The following LRP12 variants were observed in gnomAD, a reference collection of about 807,000 sequenced individuals.
The protein encoded by LRP12 is LDL receptor related protein 12.
In LRP12, 14 loss-of-function variants were observed where a neutral mutation model predicts 66.0. The ratio of observed to expected loss-of-function variants is 0.21; its 90% CI spans 0.14 to 0.33. The LOEUF (loss-of-function observed/expected upper bound fraction) is 0.33, where lower values mean the gene tolerates loss of function less well. Ranked by LOEUF, LRP12 falls within the 10% of genes least tolerant of loss-of-function variation. The pLI, the probability that LRP12 is intolerant of heterozygous loss-of-function variation, is 1.00. For missense variants in LRP12, 889 were observed against 1,053.4 expected (o/e 0.84, Z 2.16); for synonymous variants, 357 against 359.1 (o/e 0.99, Z 0.07).
chr8:104,500,806 CTAG>C (rs71577921), intron 3 of LRP12, among the ~76,000 whole-genome samples: 10,470 of 152,214 alleles, frequency 0.069, 406 homozygotes, highest in South Asian at 0.079. Flanking sequence ...TATTCTAGAA[CTAG>C]TATTGCTAGG....
chr8:104,588,351 T>C (rs971120854), intron 1 of LRP12, among the ~76,000 whole-genome samples: 8 of 152,158 alleles, frequency 5.3e-5, no homozygotes, highest in African/African-American at 1.9e-4. Flanking sequence ...GGACAAGGGC[T>C]GGCGCGGTGG....
Position 104,491,131 on chromosome 8 carries a change from C to T in LRP12, c.2122G>A (p.Gly708Arg). The part of the protein sequence containing the change: ...QSTRGGHADN[G>R]RDVTSVEPPS... ...GGTTCCACACTTGTCACATCCCTTC[C>T]ATTATCTGCATGACCACCTCGGGTA... The change falls in exon 7 of 7, where the codon GGA becomes AGA. Residue 708 changes from glycine (G) to arginine (R), a missense_variant. This residue lies in a region of LRP12 where 800 missense variants were observed against 964.5 expected (regional missense o/e 0.83). Coordinates refer to ENST00000276654, the MANE Select transcript of LRP12 (RefSeq NM_013437.5). 1.2e-6 allele frequency: 2 copies of T among 1,614,130 alleles called. No individual in the cohort carries two copies. Among genetic ancestry groups the T allele is most frequent in the Non-Finnish European group, 1.7e-6 (2 of 1,180,030 alleles).
At chr8:104,568,667 T>A (rs1382842979) in intron 1 of LRP12, among the ~76,000 whole-genome samples, 1 of 151,906 alleles carries the variant, frequency 6.6e-6, no homozygotes, top group Non-Finnish European at 1.5e-5. Context: ...CCAATAAACA[T>A]ATGAGAAGAA....
rs780929488 is a variant in LRP12, at chr8:104,491,520, A to T, written c.1733T>A (p.Leu578Gln). The T allele has an allele frequency of 1.2e-6, 2 of 1,610,918 alleles. No individual in the cohort carries two copies. Residue 578 changes from leucine (L) to glutamine (Q), a missense_variant, in exon 7 of 7, where the codon CTG becomes CAG. Transcript: ENST00000276654. ...SPNQASVLEN[L>Q]RLAVRSQLGF... Reference sequence around the variant, plus strand: ...AAGCTGAGATCGTACCGCTAGCCTCAGATTTTCCAAAACAGAAGCCTACAA... The same window carrying T: ...AAGCTGAGATCGTACCGCTAGCCTCTGATTTTCCAAAACAGAAGCCTACAA...
intron 1 of LRP12, among the ~76,000 whole-genome samples, chr8:104,541,060 G>A (rs529049355): frequency 1.1e-3 from 175 of 152,316 alleles, no homozygotes; most frequent in African/African-American, 3.9e-3. Flanking sequence ...ACCTTTGGGA[G>A]TTCAGTGTTT....
rs1412839003 is a variant in LRP12, at chr8:104,497,570, G to A, written c.982C>T (p.Leu328Phe). 6.2e-7 allele frequency: 1 copy of A among 1,613,626 alleles called. No individual in the cohort carries two copies. The highest frequency in any genetic ancestry group is 1.3e-5 in the African/African-American group (1 of 74,884). Reference protein sequence around the residue: ...YDGLEENPHKLLRVLTAFDSH... With the variant: ...YDGLEENPHKFLRVLTAFDSH... ...TCAAAAGCTGTCAACACACGCAAAA[G>A]CTTGTGTGGATTCTCCTCTAATCCA... is the stretch of plus-strand genomic sequence containing the variant. Residue 328 changes from leucine (L) to phenylalanine (F), a missense_variant, in exon 5 of 7, where the codon CTT (leucine) becomes TTT (phenylalanine). Transcript: ENST00000276654. This position sits in a 1 kb window ranked among gnomAD's most constrained non-coding sequence, Gnocchi z 4.3.
chr8:104,586,271 T>C (rs1050604727), intron 1 of LRP12, among the ~76,000 whole-genome samples: 1 of 152,210 alleles, frequency 6.6e-6, no homozygotes, highest in Non-Finnish European at 1.5e-5. Flanking sequence ...AAAATCGTCA[T>C]CTGGAAAGTA....
In LRP12 at chr8:104,489,577, C is replaced by T. The variant is rs948446566; in HGVS notation, c.*1096G>A. The T allele has an allele frequency of 6.6e-6, 1 of 151,868 alleles. No homozygotes were observed. Among genetic ancestry groups the T allele is most frequent in the Non-Finnish European group, 1.5e-5 (1 of 67,944 alleles). 9.4% of individuals were successfully genotyped at this position (151,868 alleles called of 1,614,324 possible). On this transcript the variant is annotated 3_prime_UTR_variant, in exon 7 of 7. Transcript: ENST00000276654. ...TTTTCTTTTGAGAGTGTAGCATGAT[C>T]CCCCCCAGGAATAAAATATATTGAA...
At chr8:104,524,427 A>C (rs923910636) in intron 2 of LRP12, among the ~76,000 whole-genome samples, 2 of 152,082 alleles carry the variant, frequency 1.3e-5, no homozygotes, top group Non-Finnish European at 2.9e-5. Flanking sequence ...GCCCCTAACC[A>C]CCATGTTGTT....
chr8:104,552,458 T>C (rs1490194867), intron 1 of LRP12, among the ~76,000 whole-genome samples: 1 of 151,160 alleles, frequency 6.6e-6, no homozygotes, highest in Non-Finnish European at 1.5e-5. Flanking sequence ...TCATCTGAGG[T>C]TGGGAGTTCG....
intron 1 of LRP12, among the ~76,000 whole-genome samples, chr8:104,547,540 T>C (rs1050841988): frequency 7.9e-5 from 10 of 126,654 alleles, no homozygotes; most frequent in Non-Finnish European, 1.5e-4. Flanking sequence ...ATTTTGTATA[T>C]AATATATAAT....
chr8:104,499,606 G>T, intron 3 of LRP12, 87 bp from the exon 4 acceptor site: 1 of 828,846 alleles, frequency 1.2e-6, no homozygotes, highest in Non-Finnish European at 1.9e-6. Context: ...ATTATTATAA[G>T]CCTCCATATA....
At chr8:104,496,057 C>T (rs1016446727) in intron 5 of LRP12, 2 of 152,186 alleles carry the variant, frequency 1.3e-5, no homozygotes, top group Non-Finnish European at 2.9e-5. Context: ...TTGTAATTCT[C>T]CTGGGACTGA....
Position 104,492,403 on chromosome 8 carries a change from A to C in LRP12, c.1714-864T>G, listed in dbSNP as rs892225550. On this transcript the variant is annotated intron_variant, in intron 6 of 6. Transcript: ENST00000276654. ...ATAGCATTATATAAGATAGTCTTTA[A>C]GCTCCATCTAGTGGTTATAAAAAGA... Among the ~76,000 whole-genome samples the C allele has an allele frequency of 2.0e-5, 3 of 152,180 alleles. No homozygotes were observed. In the East Asian group the frequency reaches 5.8e-4, roughly 29 times the overall value.
At chr8:104,568,784 G>A (rs553027951) in intron 1 of LRP12, among the ~76,000 whole-genome samples, 1 of 152,210 alleles carries the variant, frequency 6.6e-6, no homozygotes, top group East Asian at 1.9e-4. Context: ...ATAAAGTGTT[G>A]GCAAGGATGT....
intron 1 of LRP12, among the ~76,000 whole-genome samples, chr8:104,564,918 G>GC (rs1198411187): frequency 1.4e-5 from 2 of 148,138 alleles, no homozygotes; most frequent in African/African-American, 5.2e-5. Context: ...GGGTAACAGA[G>GC]TGAGACTCTG....
chr8:104,544,745 C>A (rs1239939805), intron 1 of LRP12, among the ~76,000 whole-genome samples: 4 of 152,134 alleles, frequency 2.6e-5, no homozygotes, highest in African/African-American at 9.7e-5. Context: ...AAAAAAGATT[C>A]CTTTCAAAAT....
chr8:104,510,693 G>A (rs1810979482), intron 2 of LRP12, among the ~76,000 whole-genome samples: 3 of 152,262 alleles, frequency 2.0e-5, no homozygotes, highest in African/African-American at 7.2e-5. Context: ...TAGAAGTGGG[G>A]AGAGTAGCTG....
intron 2 of LRP12, among the ~76,000 whole-genome samples, chr8:104,513,953 T>A (rs986136159): frequency 2.0e-5 from 3 of 152,176 alleles, no homozygotes; most frequent in Non-Finnish European, 4.4e-5. Flanking sequence ...GTTTCCCAAA[T>A]CCGTCTTCAG....
Sources: allele counts gnomAD v4.1 joint callset (sites outside exome capture counted in the v4.1 genomes callset), GRCh38; gene constraint gnomAD v4.1.1; regional missense constraint gnomAD v4.1.1; non-coding constraint Gnocchi (gnomAD v3.1); transcripts MANE v1.5; gene names NCBI Gene and HGNC (gene_info 2026-07-23, HGNC 2026-07-21).